Variants in NTN1 observed in about 807,000 individuals in gnomAD.
The protein encoded by NTN1 is netrin 1.
A neutral mutation model predicts 54.2 loss-of-function variants in NTN1; 11 were observed. The observed-to-expected ratio is 0.20, with a 90% CI of 0.13 to 0.34. NTN1 has a LOEUF of 0.34. Ranked by LOEUF, NTN1 falls within the 10% of genes least tolerant of loss-of-function variation. The pLI is 1.00. For synonymous variants in NTN1, 371 were observed against 382.0 expected, an observed-to-expected ratio of 0.97 and a Z score of 0.33; for missense variants, 740 against 893.1, an observed-to-expected ratio of 0.83 and a Z score of 2.18.
intron 5 of NTN1, among the ~76,000 whole-genome samples, chr17:9,193,926 A>AAAAAAAAAAAACAAAAC (rs1904542791): frequency 3.0e-5 from 4 of 134,276 alleles, no homozygotes; most frequent in African/African-American, 1.2e-4. Flanking sequence ...CGACTAAAAA[A>AAAAAAAAAAAACAAAAC]AAAAAAAAAA....
intron 2 of NTN1, among the ~76,000 whole-genome samples, chr17:9,090,382 G>A (rs2092106132): frequency 6.6e-6 from 1 of 151,972 alleles, no homozygotes; most frequent in Non-Finnish European, 1.5e-5. Flanking sequence ...CACCATGTTG[G>A]CCAGAACAGT....
chr17:9,190,855 A>C (rs183768982), intron 5 of NTN1, among the ~76,000 whole-genome samples: 466 of 152,248 alleles, frequency 3.1e-3, no homozygotes, highest in Non-Finnish European at 5.5e-3. Flanking sequence ...GTGTCTGGAA[A>C]AAAAAAAAAT....
At chr17:9,082,994 T>G (rs963263469) in intron 2 of NTN1, among the ~76,000 whole-genome samples, 2 of 152,096 alleles carry the variant, frequency 1.3e-5, no homozygotes, top group African/African-American at 4.8e-5. Context: ...CTCTAGTGTC[T>G]AGAGACAGGA....
chr17:9,109,956 C>A (rs982349634), intron 2 of NTN1, among the ~76,000 whole-genome samples: 2 of 152,146 alleles, frequency 1.3e-5, no homozygotes, highest in Non-Finnish European at 2.9e-5. Flanking sequence ...TGTCTTTTCT[C>A]TTGGGTTGTC....
chr17:9,004,414 C>T, the NTN1 span, among the ~76,000 whole-genome samples: 1 of 152,280 alleles, frequency 6.6e-6, no homozygotes, highest in African/African-American at 2.4e-5. Context: ...CTCCTGCTCG[C>T]CACCCCTGTT....
Position 9,239,846 on chromosome 17 carries a change from C to G in NTN1, c.1693C>G (p.Pro565Ala), listed in dbSNP as rs947709482. Residue 565 changes from proline to alanine, a missense_variant, in exon 7 of 7, where the codon CCG becomes GCG. Transcript: ENST00000173229. The surrounding 1 kb of genome is among the most constrained non-coding windows in gnomAD (Gnocchi z 5.2). ...GCTGCTGGGCAACGCGGAGGACTCT[C>G]CGGACCAGAGCGGCATCGTGGCCGA... ...YLLLGNAEDS[P>A]DQSGIVADKS... 6.2e-7 allele frequency: 1 copy of G among 1,613,092 alleles called. No individual in the cohort carries two copies. The highest frequency in any genetic ancestry group is 8.5e-7 in the Non-Finnish European group (1 of 1,179,882).
At chr17:9,164,964 A>G (rs1322227768) in intron 3 of NTN1, among the ~76,000 whole-genome samples, 1 of 152,186 alleles carries the variant, frequency 6.6e-6, no homozygotes, top group Non-Finnish European at 1.5e-5. Context: ...CATAGTTGGA[A>G]GGTATCCAGC....
chr17:9,034,567 C>T (rs1047358709), intron 2 of NTN1, among the ~76,000 whole-genome samples: 4 of 151,790 alleles, frequency 2.6e-5, no homozygotes, highest in South Asian at 2.1e-4. Context: ...AGATTACAGG[C>T]GTGCACCACC....
intron 2 of NTN1, among the ~76,000 whole-genome samples, chr17:9,023,695 A>G (rs1272754975): frequency 6.6e-6 from 1 of 152,220 alleles, no homozygotes; most frequent in Non-Finnish European, 1.5e-5. Flanking sequence ...CCAAACGCAA[A>G]CATTCATTGC....
chr17:9,072,308 A>G (rs1429120880), intron 2 of NTN1, among the ~76,000 whole-genome samples: 4 of 147,200 alleles, frequency 2.7e-5, no homozygotes, highest in Non-Finnish European at 5.9e-5. Context: ...AAGAAGGACC[A>G]TTGTTCGTGA....
At chr17:9,222,210 G>T (rs1905382772) in intron 6 of NTN1, among the ~76,000 whole-genome samples, 1 of 152,218 alleles carries the variant, frequency 6.6e-6, no homozygotes, top group African/African-American at 2.4e-5. Context: ...GCCCACGAAA[G>T]TCCACATCTG....
intron 2 of NTN1, among the ~76,000 whole-genome samples, chr17:9,077,153 A>G (rs376504482): frequency 1.3e-5 from 2 of 152,330 alleles, no homozygotes; most frequent in African/African-American, 2.4e-5. Flanking sequence ...TGGAGGTACA[A>G]TGTCTCTAAA....
At chr17:9,202,003 T>TG in intron 5 of NTN1, among the ~76,000 whole-genome samples, 1 of 121,810 alleles carries the variant, frequency 8.2e-6, no homozygotes, top group Non-Finnish European at 1.6e-5. Flanking sequence ...CTGGTCAATA[T>TG]GGTGAAACCC....
At chr17:9,107,043 G>A (rs2092169897) in intron 2 of NTN1, among the ~76,000 whole-genome samples, 1 of 152,136 alleles carries the variant, frequency 6.6e-6, no homozygotes, top group Non-Finnish European at 1.5e-5. Flanking sequence ...ATAAAAGAAG[G>A]GGTGGAATTT....
At chr17:9,196,107 A>T (rs1347600292) in intron 5 of NTN1, among the ~76,000 whole-genome samples, 1 of 152,096 alleles carries the variant, frequency 6.6e-6, no homozygotes, top group Non-Finnish European at 1.5e-5. Context: ...ACCAGACCCC[A>T]TCTGCTGTCC....
At chr17:9,076,044 G>A (rs1014822396) in intron 2 of NTN1, among the ~76,000 whole-genome samples, 2 of 152,226 alleles carry the variant, frequency 1.3e-5, no homozygotes, top group African/African-American at 4.8e-5. Flanking sequence ...TTTAAAAACT[G>A]CTGGTCAGAG....
In NTN1 at chr17:9,096,366, C is replaced by CCTTTTTTTTTTTTTT. The variant is rs55880198; in HGVS notation, c.1019-66447_1019-66446insCTTTTTTTTTTTTTT. On this transcript the variant is annotated intron_variant, in intron 2 of 6. Coordinates refer to ENST00000173229, the MANE Select transcript of NTN1 (RefSeq NM_004822.3). ...TGTCTTCCTGGGTTTTATGGGTAGACTTTTTTTTTTTTTTTTTTTTTTGAG... is the reference window on the plus strand; with the variant it reads ...TGTCTTCCTGGGTTTTATGGGTAGACCTTTTTTTTTTTTTTTTTTTTTTTTTTTTTTTTTTTTGAG... Among the ~76,000 whole-genome samples, 8 of 91,554 alleles carry CCTTTTTTTTTTTTTT rather than the reference C, an allele frequency of 8.7e-5. 2 individuals carry two copies. The highest frequency in any genetic ancestry group is 1.4e-4 in the Non-Finnish European group (7 of 49,118). 60.1% of individuals were successfully genotyped at this position (91,554 alleles called of 152,430 possible).
At chr17:9,133,269 C>G (rs1465874654) in intron 2 of NTN1, among the ~76,000 whole-genome samples, 1 of 152,230 alleles carries the variant, frequency 6.6e-6, no homozygotes, top group Non-Finnish European at 1.5e-5. Context: ...GAAAGCAGCT[C>G]CAGGCTTCCG....
chr17:9,193,925 A>AAAAAAAAAAAAAC (rs1555574974), intron 5 of NTN1, among the ~76,000 whole-genome samples: 1 of 132,500 alleles, frequency 7.5e-6, no homozygotes, highest in African/African-American at 2.9e-5. Flanking sequence ...CCGACTAAAA[A>AAAAAAAAAAAAAC]AAAAAAAAAA....
Sources: allele counts gnomAD v4.1 joint callset (sites outside exome capture counted in the v4.1 genomes callset), GRCh38; gene constraint gnomAD v4.1.1; non-coding constraint Gnocchi (gnomAD v3.1); transcripts MANE v1.5; gene names NCBI Gene and HGNC (gene_info 2026-07-23, HGNC 2026-07-21).